The following TIAM1 variants were observed in gnomAD, a reference collection of about 807,000 sequenced individuals.
TIAM1 encodes the protein TIAM Rac1 associated GEF 1.
In TIAM1, 65 loss-of-function variants were observed where a neutral mutation model predicts 163.5. The observed-to-expected ratio is 0.40, with a 90% confidence interval of 0.33 to 0.49. The LOEUF is 0.49. Among genes scored for constraint, TIAM1 ranks in the 20% least tolerant of loss-of-function variants. The probability of loss-of-function intolerance (pLI) is 0.77; values close to 1 mark genes in which losing one functional copy is unlikely to be tolerated. For synonymous variants in TIAM1, 833 were observed against 810.1 expected (o/e 1.03, Z -0.48); for missense variants, 1,789 against 2,044.7 (o/e 0.87, Z 2.41).
At chr21:31,533,244 A>C (rs1184975460) in intron 1 of TIAM1, among the ~76,000 whole-genome samples, 2 of 151,990 alleles carry the variant, frequency 1.3e-5, no homozygotes. Flanking sequence ...TCGCTTGAAC[A>C]TGGGAGGCAG....
chr21:31,226,994 TTG>T (rs2088025534), intron 6 of TIAM1, among the ~76,000 whole-genome samples: 1 of 148,392 alleles, frequency 6.7e-6, no homozygotes, highest in Non-Finnish European at 1.5e-5. Flanking sequence ...TCGTGCTCTG[TTG>T]CCCAGGCTGG....
intron 1 of TIAM1, among the ~76,000 whole-genome samples, chr21:31,557,244 GAAC>G (rs1247425713): frequency 6.6e-6 from 1 of 152,176 alleles, no homozygotes; most frequent in Non-Finnish European, 1.5e-5. Flanking sequence ...TTGAAGCTGA[GAAC>G]AGCAGTCCTT....
At chr21:31,423,699 GTAAAAAAA>G (rs1191164199) in intron 2 of TIAM1, among the ~76,000 whole-genome samples, 1 of 25,376 alleles carries the variant, frequency 3.9e-5, no homozygotes, top group Non-Finnish European at 6.7e-5. Context: ...CTAGAAAGTT[GTAAAAAAA>G]AAAAAAAAAA....
chr21:31,483,320 G>A (rs930669407), intron 1 of TIAM1, among the ~76,000 whole-genome samples: 4 of 152,236 alleles, frequency 2.6e-5, no homozygotes, highest in South Asian at 4.1e-4. Context: ...GCTTCAACCC[G>A]AGATTCAGTG....
At chr21:31,358,675 C>T (rs930216981) in intron 2 of TIAM1, among the ~76,000 whole-genome samples, 4 of 151,950 alleles carry the variant, frequency 2.6e-5, no homozygotes, top group African/African-American at 9.7e-5. Context: ...TGTGCCAATC[C>T]AAATCTCTTC....
At chr21:31,459,926 G>A (rs1321800437) in intron 2 of TIAM1, among the ~76,000 whole-genome samples, 1 of 152,200 alleles carries the variant, frequency 6.6e-6, no homozygotes, top group Non-Finnish European at 1.5e-5. Flanking sequence ...CTCAGCCTGA[G>A]GTTCCATTAT....
chr21:31,224,058 TGGAGAC>T (rs2087784733), intron 7 of TIAM1, among the ~76,000 whole-genome samples: 1 of 152,158 alleles, frequency 6.6e-6, no homozygotes, highest in Admixed American at 6.5e-5. Flanking sequence ...CACAAGATGG[TGGAGAC>T]CCAGACTCTG....
At chr21:31,412,833 G>A (rs1027208086) in intron 2 of TIAM1, among the ~76,000 whole-genome samples, 8 of 144,806 alleles carry the variant, frequency 5.5e-5, no homozygotes, top group African/African-American at 1.3e-4. Flanking sequence ...TAGATCCCTC[G>A]CTCGCATGTG....
intron 1 of TIAM1, among the ~76,000 whole-genome samples, chr21:31,544,146 G>A (rs1324797654): frequency 6.6e-6 from 1 of 151,930 alleles, no homozygotes; most frequent in East Asian, 1.9e-4. Context: ...GGAGGCGGAG[G>A]TTGCAGTGCC....
At chr21:31,543,311 G>A (rs1488127544) in intron 1 of TIAM1, among the ~76,000 whole-genome samples, 1 of 152,148 alleles carries the variant, frequency 6.6e-6, no homozygotes, top group South Asian at 2.1e-4. Context: ...CCAAGCTCGC[G>A]CTCTTGGCAA....
intron 1 of TIAM1, among the ~76,000 whole-genome samples, chr21:31,493,491 C>G (rs2046543014): frequency 6.6e-6 from 1 of 152,098 alleles, no homozygotes. Flanking sequence ...AGGGTAGCAA[C>G]AGCTTAAGCA....
intron 1 of TIAM1, among the ~76,000 whole-genome samples, chr21:31,550,630 G>A (rs1354785871): frequency 6.6e-6 from 1 of 152,150 alleles, no homozygotes; most frequent in Non-Finnish European, 1.5e-5. Flanking sequence ...AGAGGTGGAA[G>A]TATATCTTAA....
chr21:31,211,220 T>A (rs2086872501), intron 10 of TIAM1, among the ~76,000 whole-genome samples: 1 of 152,084 alleles, frequency 6.6e-6, no homozygotes, highest in African/African-American at 2.4e-5. Flanking sequence ...GGGTCGGAAG[T>A]CCTCCTTTAG....
intron 2 of TIAM1, among the ~76,000 whole-genome samples, chr21:31,396,778 C>T (rs1602180789): frequency 1.3e-5 from 2 of 151,678 alleles, no homozygotes; most frequent in South Asian, 4.2e-4. Context: ...TGGTGAAACC[C>T]CACCTTTACT....
At chr21:31,153,888 T>C (rs9977559) in intron 17 of TIAM1, among the ~76,000 whole-genome samples, 18,316 of 147,712 alleles carry the variant, frequency 0.12, 1,337 homozygotes, top group African/African-American at 0.2. Flanking sequence ...TGGTGAAACC[T>C]CCTCTCTACA....
rs552791579 is a variant in TIAM1, at chr21:31,233,460, C to A, written c.1585-7510G>T. ...TGGTGGCTCACGCCTGTAATCCCAG[C>A]ACTTTGGGAGGCTGAGGTGAGATCA... On this transcript the variant is annotated intron_variant, in intron 6 of 27. Transcript: ENST00000541036. Among the ~76,000 whole-genome samples, 206 of 152,282 alleles carry A rather than the reference C, an allele frequency of 1.4e-3. 1 individual carries two copies. The highest frequency in any genetic ancestry group is 4.8e-3 in the African/African-American group (201 of 41,576).
chr21:31,490,704 T>G (rs561577623), intron 1 of TIAM1, among the ~76,000 whole-genome samples: 2 of 152,318 alleles, frequency 1.3e-5, no homozygotes, highest in Non-Finnish European at 2.9e-5. Context: ...ACTGGGGAGT[T>G]CCAGGAAGGA....
chr21:31,492,924 A>T (rs987444710), intron 1 of TIAM1, among the ~76,000 whole-genome samples: 2 of 152,140 alleles, frequency 1.3e-5, no homozygotes, highest in African/African-American at 4.8e-5. Context: ...AGGAATAAAT[A>T]ATTTTTTAAG....
chr21:31,195,273 G>A lies in TIAM1; in HGVS notation c.2526C>T (p.Val842=). ...ACTTCTCAATGTGGATGCTCTGAGT[G>A]ACTTTTGGACAGATTTCAATTTCTT... is the stretch of plus-strand genomic sequence containing the variant. The part of the protein sequence containing the change: ...LYKEIEICPK[V]TQSIHIEKSD... Residue 842 remains valine, a synonymous_variant, in exon 13 of 28, where the codon GTC becomes GTT. Transcript: ENST00000541036. 6.2e-7 allele frequency: 1 copy of A among 1,613,318 alleles called. No homozygotes were observed. The highest frequency in any genetic ancestry group is 8.5e-7 in the Non-Finnish European group (1 of 1,179,520).
Sources: allele counts gnomAD v4.1 joint callset (sites outside exome capture counted in the v4.1 genomes callset), GRCh38; gene constraint gnomAD v4.1.1; transcripts MANE v1.5; gene names NCBI Gene and HGNC (gene_info 2026-07-23, HGNC 2026-07-21).